Variants in ZAP70 observed in about 807,000 individuals in gnomAD.
ZAP70 encodes the protein tyrosine-protein kinase ZAP-70.
In ZAP70, 27 loss-of-function variants were observed where a neutral mutation model predicts 65.8. The ratio of observed to expected loss-of-function variants is 0.41; its 90% confidence interval spans 0.30 to 0.57. The LOEUF (loss-of-function observed/expected upper bound fraction) is 0.57. ZAP70 is among the 20% of genes least tolerant of loss of function. ZAP70 has a pLI of 0.28. For synonymous variants in ZAP70, 363 were observed against 360.8 expected (o/e 1.01, Z -0.07); for missense variants, 696 against 870.5 (o/e 0.80, Z 2.52).
chr2:97,744,671 AAG>A, downstream of ZAP70, among the ~76,000 whole-genome samples: 1 of 152,318 alleles, frequency 6.6e-6, no homozygotes, highest in East Asian at 1.9e-4. Flanking sequence ...TGGTCTGAAA[AAG>A]AGAACAGAGA....
chr2:97,739,827 G>A lies in ZAP70; in HGVS notation c.*329G>A, dbSNP rs200215611. The A allele has an allele frequency of 2.3e-5, 9 of 396,170 alleles. No individual in the cohort carries two copies. The highest frequency in any genetic ancestry group is 4.0e-5 in the African/African-American group (2 of 49,644). The allele number at this position is 396,170 out of a possible 1,614,324, so 24.5% of individuals were successfully genotyped here. ...CCTGGGCATCCTCAGGTGGTCAGGC[G>A]TAGATCACCAGAATAAACCCAGCTT... On this transcript the variant is annotated 3_prime_UTR_variant, in exon 14 of 14. Coordinates refer to ENST00000264972, the MANE Select transcript of ZAP70 (RefSeq NM_001079.4).
chr2:97,717,810 G>A (rs568565434), intron 2 of ZAP70, among the ~76,000 whole-genome samples: 1 of 152,178 alleles, frequency 6.6e-6, no homozygotes, highest in Non-Finnish European at 1.5e-5. Context: ...GATCTCTCTG[G>A]AACAGCTGTA....
Position 97,725,186 on chromosome 2 carries a change from G to C in ZAP70, c.497G>C (p.Ser166Thr), listed in dbSNP as rs1177542120. The change falls in exon 4 of 14, where the codon AGC becomes ACC. Residue 166 changes from serine to threonine, a missense_variant. By Grantham distance (58) the Ser-to-Thr change is moderately conservative. Coordinates refer to ENST00000264972, the MANE Select transcript of ZAP70 (RefSeq NM_001079.4). The stretch of plus-strand genomic sequence containing the variant: ...CACGAGCGGATGCCCTGGTACCACA[G>C]CAGCCTGACGCGTGAGGAGGCCGAG... ...TAHERMPWYH[S>T]SLTREEAERK... 2 of 1,614,098 alleles carry C rather than the reference G, an allele frequency of 1.2e-6. No homozygotes were observed. The highest frequency in any genetic ancestry group is 2.7e-5 in the African/African-American group (2 of 74,930).
In ZAP70 at chr2:97,715,325, C is replaced by T. The variant is rs941512157; in HGVS notation, c.-22+1331C>T. On this transcript the variant is annotated intron_variant, in intron 2 of 13. Coordinates refer to ENST00000264972, the MANE Select transcript of ZAP70 (RefSeq NM_001079.4). This position sits in a 1 kb window ranked among gnomAD's most constrained non-coding sequence, Gnocchi z 4.1. Reference sequence around the variant, plus strand: ...TTACTGGCATCCAGCATGTCCAGGACAGGAATCCTGTGAACAGCCTACAAG... The same window carrying T: ...TTACTGGCATCCAGCATGTCCAGGATAGGAATCCTGTGAACAGCCTACAAG... Among the ~76,000 whole-genome samples, 1 of 152,240 alleles carries T rather than the reference C, an allele frequency of 6.6e-6. No individual in the cohort carries two copies. Among genetic ancestry groups the T allele is most frequent in the Non-Finnish European group, 1.5e-5 (1 of 68,048 alleles).
In ZAP70 at chr2:97,713,642, C is replaced by T. The variant is rs201616095; in HGVS notation, c.-133C>T. Reference sequence around the variant, plus strand: ...GGCCTTCCGGGCAGGCCTGGCCCACCGTGGGCCTCAGAGCTGCTGCTGGGG... The same window carrying T: ...GGCCTTCCGGGCAGGCCTGGCCCACTGTGGGCCTCAGAGCTGCTGCTGGGG... On this transcript the variant is annotated 5_prime_UTR_variant, in exon 1 of 14. Transcript: ENST00000264972. The T allele has an allele frequency of 7.8e-4, 119 of 152,454 alleles. No individual in the cohort carries two copies. The highest frequency in any genetic ancestry group is 1.5e-3 in the Non-Finnish European group (99 of 68,092). The allele number at this position is 152,454 out of a possible 1,614,324, so 9.4% of individuals were successfully genotyped here.
At chr2:97,747,802 G>A in the ZAP70 span, among the ~76,000 whole-genome samples, 1 of 121,060 alleles carries the variant, frequency 8.3e-6, no homozygotes, top group African/African-American at 3.3e-5. Flanking sequence ...GACCTGGCCT[G>A]TACTGGCACG....
At chr2:97,734,264 C>G in intron 8 of ZAP70, 1 of 1,026,456 alleles carries the variant, frequency 9.7e-7, no homozygotes, top group Non-Finnish European at 1.3e-6. Flanking sequence ...GGCACAGTAA[C>G]GGTGCCACGT....
Position 97,739,487 on chromosome 2 carries a change from G to A in ZAP70, c.1849G>A (p.Ala617Thr). Reference sequence around the variant, plus strand: ...AGGCAGCACACAGAAGGCTGAGGCTGCCTGTGCCTGAGCTCCCGCTGCCCA... The same window carrying A: ...AGGCAGCACACAGAAGGCTGAGGCTACCTGTGCCTGAGCTCCCGCTGCCCA... ...PPGSTQKAEA[A>T]CA Residue 617 changes from alanine to threonine, a missense_variant, in exon 14 of 14, where the codon GCC (alanine) becomes ACC (threonine). Physicochemically the swap from Ala to Thr is moderately conservative, Grantham distance 58 (BLOSUM62 0). Coordinates refer to ENST00000264972, the MANE Select transcript of ZAP70 (RefSeq NM_001079.4). 3 of 1,612,808 alleles carry A rather than the reference G, an allele frequency of 1.9e-6. No homozygotes were observed. Among genetic ancestry groups the A allele is most frequent in the Non-Finnish European group, 1.7e-6 (2 of 1,179,696 alleles).
At chr2:97,719,562 G>GT (rs1156529033) in intron 2 of ZAP70, among the ~76,000 whole-genome samples, 33 of 148,536 alleles carry the variant, frequency 2.2e-4, no homozygotes, top group Middle Eastern at 3.4e-3. Context: ...CTGGGGGGGG[G>GT]GCGCAGACCA....
downstream of ZAP70, among the ~76,000 whole-genome samples, chr2:97,742,460 C>A (rs559586081): frequency 1.7e-3 from 261 of 152,380 alleles, no homozygotes; most frequent in Non-Finnish European, 2.9e-3. Context: ...TCTCAGGCCC[C>A]ATCCTCTGCT....
Position 97,739,733 on chromosome 2 carries a change from G to A in ZAP70, c.*235G>A, listed in dbSNP as rs529862367. ...CTGTGCAGCCTGTCCTGGGCTGGTG[G>A]CTCCCGGAGGGCCCTGAGCTGAGGG... On this transcript the variant is annotated 3_prime_UTR_variant, in exon 14 of 14. Coordinates refer to ENST00000264972, the MANE Select transcript of ZAP70 (RefSeq NM_001079.4). The A allele has an allele frequency of 2.9e-4, 186 of 631,040 alleles. 5 individuals are homozygous for A. In the Admixed American group the frequency reaches 5.3e-3, roughly 18 times the overall value. The allele number at this position is 631,040 out of a possible 1,614,324, so 39.1% of individuals were successfully genotyped here. A position where few individuals can be genotyped will look rare whatever the true frequency, so the allele number is the denominator to read the frequency against.
chr2:97,753,837 A>C, the ZAP70 span, among the ~76,000 whole-genome samples: 1 of 152,068 alleles, frequency 6.6e-6, no homozygotes, highest in South Asian at 2.1e-4. Context: ...AAATAAAAAA[A>C]AATTAGCCAG....
At chr2:97,745,872 C>T in the ZAP70 span, among the ~76,000 whole-genome samples, 1 of 152,220 alleles carries the variant, frequency 6.6e-6, no homozygotes, top group Non-Finnish European at 1.5e-5. Flanking sequence ...ACTGCAGCAT[C>T]ATTCACGATA....
chr2:97,733,399 G>C (rs374930707), intron 7 of ZAP70, 56 bp downstream of exon 7: 3 of 1,588,696 alleles, frequency 1.9e-6, no homozygotes, highest in South Asian at 1.1e-5. Context: ...GAGTGGCTGT[G>C]GGGGAGGCTG....
the ZAP70 span, among the ~76,000 whole-genome samples, chr2:97,748,096 T>G: frequency 6.6e-6 from 1 of 152,178 alleles, no homozygotes; most frequent in Non-Finnish European, 1.5e-5. Flanking sequence ...GTGATAGGCA[T>G]GTGGCTTCTC....
chr2:97,743,591 C>T (rs1678182240), downstream of ZAP70, among the ~76,000 whole-genome samples: 1 of 152,250 alleles, frequency 6.6e-6, no homozygotes, highest in Non-Finnish European at 1.5e-5. Flanking sequence ...CCGCCTCGGC[C>T]TCCCAAAGTG....
At chr2:97,754,310 GGGGGGTCT>G in the ZAP70 span, among the ~76,000 whole-genome samples, 11 of 152,164 alleles carry the variant, frequency 7.2e-5, no homozygotes, top group Non-Finnish European at 1.6e-4. Context: ...GTTTGGTCGG[GGGGGGTCT>G]CAGGCGATTG....
At chr2:97,726,957 G>C (rs1461706007) in intron 4 of ZAP70, among the ~76,000 whole-genome samples, 1 of 152,232 alleles carries the variant, frequency 6.6e-6, no homozygotes, top group Non-Finnish European at 1.5e-5. Flanking sequence ...TTCTGGTTTG[G>C]GTCATCTAGG....
At chr2:97,716,993 C>T (rs772163803) in intron 2 of ZAP70, among the ~76,000 whole-genome samples, 3 of 152,204 alleles carry the variant, frequency 2.0e-5, no homozygotes, top group Non-Finnish European at 2.9e-5. Context: ...GATTTGAATC[C>T]AATCCCTGCA....
Sources: gnomAD v4.1 joint callset for allele counts (sites outside exome capture counted in the v4.1 genomes callset) on GRCh38, gnomAD v4.1.1 for gene constraint, Gnocchi (gnomAD v3.1) non-coding constraint, MANE v1.5 for transcripts, NCBI Gene and HGNC (gene_info 2026-07-23, HGNC 2026-07-21) for gene names.